UBAC2: variants seen among roughly 807,000 people sequenced by gnomAD.
UBAC2 encodes the protein UBA domain containing 2.
UBAC2 carries 26 observed loss-of-function variants against 44.0 expected under a neutral mutation model. The observed-to-expected ratio is 0.59, with a 90% confidence interval of 0.43 to 0.82. The LOEUF (loss-of-function observed/expected upper bound fraction) is 0.82. Among genes scored for constraint, UBAC2 ranks in the 40% least tolerant of loss-of-function variants. The pLI, the probability that UBAC2 is intolerant of heterozygous loss-of-function variation, is 0.00. For missense variants in UBAC2, 329 were observed against 419.4 expected (o/e 0.78, Z 1.88); for synonymous variants, 155 against 154.3 (o/e 1.00, Z -0.04).
At chr13:99,218,494 C>CT (rs35419383) in intron 1 of UBAC2, among the ~76,000 whole-genome samples, 323 of 145,434 alleles carry the variant, frequency 2.2e-3, no homozygotes, top group African/African-American at 3.9e-3. Context: ...CTTTCCTGAC[C>CT]TTTTTTTTTT....
At chr13:99,285,518 G>T (rs928383245) in intron 4 of UBAC2, among the ~76,000 whole-genome samples, 10 of 151,804 alleles carry the variant, frequency 6.6e-5, no homozygotes, top group African/African-American at 1.9e-4. Flanking sequence ...TTAGCCTCCT[G>T]AGTAGCTAGG....
At chr13:99,247,264 G>A (rs1487596808) in intron 4 of UBAC2, among the ~76,000 whole-genome samples, 3 of 151,582 alleles carry the variant, frequency 2.0e-5, no homozygotes, top group Admixed American at 2.0e-4. Flanking sequence ...GCCCAGGCTG[G>A]AGTGCAGTGG....
intron 1 of UBAC2, among the ~76,000 whole-genome samples, chr13:99,214,358 T>G (rs2042967871): frequency 1.3e-5 from 2 of 151,988 alleles, no homozygotes; most frequent in South Asian, 4.1e-4. Flanking sequence ...GTACCTAGTG[T>G]GGGTTTCCTC....
chr13:99,327,975 A>G (rs2044663471), intron 6 of UBAC2, among the ~76,000 whole-genome samples: 1 of 152,186 alleles, frequency 6.6e-6, no homozygotes, highest in Non-Finnish European at 1.5e-5. Flanking sequence ...TCTCCTGACC[A>G]TGAATGGTGG....
intron 4 of UBAC2, among the ~76,000 whole-genome samples, chr13:99,311,429 A>G (rs1482153638): frequency 6.6e-6 from 1 of 152,218 alleles, no homozygotes; most frequent in African/African-American, 2.4e-5. Context: ...GTGGGGAGGC[A>G]TTGGAAGATT....
At chr13:99,269,799 A>G (rs569904351) in intron 4 of UBAC2, among the ~76,000 whole-genome samples, 1 of 152,200 alleles carries the variant, frequency 6.6e-6, no homozygotes, top group East Asian at 1.9e-4. Flanking sequence ...TTCAGTAGGC[A>G]TTGCCTGCAG....
chr13:99,357,765 C>G (rs2045208247), intron 7 of UBAC2, among the ~76,000 whole-genome samples: 1 of 152,206 alleles, frequency 6.6e-6, no homozygotes, highest in Non-Finnish European at 1.5e-5. Flanking sequence ...CCCCTCTCAC[C>G]CCTTCCACCC....
At chr13:99,265,787 G>A (rs537141261) in intron 4 of UBAC2, among the ~76,000 whole-genome samples, 55 of 152,286 alleles carry the variant, frequency 3.6e-4, no homozygotes, top group Admixed American at 8.5e-4. Flanking sequence ...ATGTTTCTAG[G>A]TAGATACAAT....
In UBAC2 at chr13:99,214,799, A is replaced by G. The variant is rs546229252; in HGVS notation, c.31+13860A>G. Among the ~76,000 whole-genome samples, 7 of 149,214 alleles carry G rather than the reference A, an allele frequency of 4.7e-5. No homozygotes were observed. The South Asian group carries it at 1.5e-3, about 32-fold the overall frequency. On this transcript the variant is annotated intron_variant, in intron 1 of 8. Coordinates refer to ENST00000403766, the MANE Select transcript of UBAC2 (RefSeq NM_001144072.2). ...GGGGGAATAAATAAATTTCTTTCCA[A>G]CTGGGATGGTGGTGAAAAGGCTGTT...
intron 7 of UBAC2, among the ~76,000 whole-genome samples, chr13:99,356,387 G>A (rs1411682669): frequency 6.6e-6 from 1 of 152,264 alleles, no homozygotes. Context: ...GCAGCCGATA[G>A]TTGGAAACTT....
chr13:99,266,485 T>G (rs2043745736), intron 4 of UBAC2, among the ~76,000 whole-genome samples: 1 of 152,224 alleles, frequency 6.6e-6, no homozygotes, highest in African/African-American at 2.4e-5. Flanking sequence ...ACAAGCTTAC[T>G]CTAAAACATT....
chr13:99,294,767 AT>A (rs1246960020), intron 4 of UBAC2: 2 of 227,462 alleles, frequency 8.8e-6, no homozygotes, highest in Non-Finnish European at 1.7e-5. Flanking sequence ...TAATAATTAA[AT>A]TTTTTATTAA....
chr13:99,215,918 G>C (rs1449205194), intron 1 of UBAC2, among the ~76,000 whole-genome samples: 9 of 152,204 alleles, frequency 5.9e-5, no homozygotes. Flanking sequence ...TGTGGTGCTA[G>C]TCTGAAAGAC....
At chr13:99,228,008 G>C (rs776626598) in intron 1 of UBAC2, among the ~76,000 whole-genome samples, 1 of 152,220 alleles carries the variant, frequency 6.6e-6, no homozygotes, top group Non-Finnish European at 1.5e-5. Flanking sequence ...TTGAGACCAA[G>C]AATTTATGGT....
At chr13:99,226,548 C>T (rs2043111838) in intron 1 of UBAC2, among the ~76,000 whole-genome samples, 1 of 152,174 alleles carries the variant, frequency 6.6e-6, no homozygotes, top group South Asian at 2.1e-4. Context: ...AGTGATCATT[C>T]AAAAACATGT....
intron 7 of UBAC2, among the ~76,000 whole-genome samples, chr13:99,355,898 C>G (rs965288133): frequency 6.6e-6 from 1 of 152,242 alleles, no homozygotes; most frequent in African/African-American, 2.4e-5. Context: ...TCTCCAGAGT[C>G]CCTTCCCTGC....
At chr13:99,279,107 C>T (rs969972779) in intron 4 of UBAC2, among the ~76,000 whole-genome samples, 3 of 152,150 alleles carry the variant, frequency 2.0e-5, no homozygotes, top group Admixed American at 6.5e-5. Flanking sequence ...TTTCCCACCT[C>T]CCTCTCGGCT....
chr13:99,384,235 C>T (rs1263306297), intron 8 of UBAC2, among the ~76,000 whole-genome samples: 1 of 152,170 alleles, frequency 6.6e-6, no homozygotes, highest in East Asian at 1.9e-4. Context: ...CCACAAAAGC[C>T]TCTTTAATGC....
chr13:99,269,161 G>T (rs905935139), intron 4 of UBAC2, among the ~76,000 whole-genome samples: 1 of 152,192 alleles, frequency 6.6e-6, no homozygotes, highest in Admixed American at 6.5e-5. Context: ...TGCGAGGCAG[G>T]GGTGTTGCAG....
Sources: gnomAD v4.1 joint callset for allele counts (sites outside exome capture counted in the v4.1 genomes callset) on GRCh38, gnomAD v4.1.1 for gene constraint, MANE v1.5 for transcripts, NCBI Gene and HGNC (gene_info 2026-07-23, HGNC 2026-07-21) for gene names.